The following ZNF718 variants were observed in gnomAD, a reference collection of about 807,000 sequenced individuals.
The protein encoded by ZNF718 is zinc finger protein 718.
In ZNF718, 3 loss-of-function variants were observed where a neutral mutation model predicts 2.6. The ratio of observed to expected loss-of-function variants is 1.16; its 90% CI spans 0.53 to 3.01. The LOEUF (loss-of-function observed/expected upper bound fraction) is 3.01. ZNF718 is among the 30% of genes most tolerant of loss of function. The pLI is 0.03. For synonymous variants in ZNF718, 135 were observed against 77.9 expected (o/e 1.73, Z -3.86); for missense variants, 468 against 230.0 (o/e 2.03, Z -6.69).
chr4:167,447 G>T (rs1443005682), downstream of ZNF718, among the ~76,000 whole-genome samples: 1 of 152,126 alleles, frequency 6.6e-6, no homozygotes, highest in Admixed American at 6.5e-5. Flanking sequence ...GGGCAGTATG[G>T]CCATTTTCAT....
chr4:149,953 A>G (rs112374986), intron 3 of ZNF718: 1 of 152,108 alleles, frequency 6.6e-6, no homozygotes, highest in African/African-American at 2.4e-5. Context: ...TTTACATTAT[A>G]TTGCAATGGG....
At chr4:199,092 G>T (rs1398243013) in intron 3 of ZNF718, among the ~76,000 whole-genome samples, 2 of 152,202 alleles carry the variant, frequency 1.3e-5, no homozygotes, top group Admixed American at 1.3e-4. Context: ...AGCTCTGATG[G>T]CAAGGCAAGC....
In ZNF718 at chr4:124,665, C is replaced by A. The variant is rs996661689; in HGVS notation, c.-6C>A. Reference sequence around the variant, plus strand: ...TAAGACTCTGGGACACTCCTGAAGTCGGGAAATGGTGAGTGTGCAGGGCAG... The same window carrying A: ...TAAGACTCTGGGACACTCCTGAAGTAGGGAAATGGTGAGTGTGCAGGGCAG... On this transcript the variant is annotated 5_prime_UTR_variant, in exon 1 of 4. Coordinates refer to ENST00000510175, the MANE Select transcript of ZNF718 (RefSeq NM_001039127.6). The A allele has an allele frequency of 6.2e-7, 1 of 1,609,042 alleles. No individual in the cohort carries two copies. The highest frequency in any genetic ancestry group is 1.3e-5 in the African/African-American group (1 of 75,018).
chr4:125,953 G>A (rs1715191862), intron 1 of ZNF718, among the ~76,000 whole-genome samples: 1 of 152,270 alleles, frequency 6.6e-6, no homozygotes, highest in East Asian at 1.9e-4. Context: ...CTCCAACCCA[G>A]GCTTCTGGAC....
intron 3 of ZNF718, among the ~76,000 whole-genome samples, chr4:169,653 A>T (rs1581471956): frequency 6.6e-6 from 1 of 152,144 alleles, no homozygotes; most frequent in East Asian, 1.9e-4. Context: ...AGTCTGTTTT[A>T]TCAGAGACTA....
intron 3 of ZNF718, among the ~76,000 whole-genome samples, chr4:146,802 T>C (rs1453658657): frequency 6.6e-6 from 1 of 151,682 alleles, no homozygotes; most frequent in African/African-American, 2.4e-5. Context: ...GAGTCTCCTG[T>C]TAAAGCTTTC....
At chr4:166,173 C>A (rs1379791400), downstream of ZNF718, among the ~76,000 whole-genome samples, 2 of 152,166 alleles carry the variant, frequency 1.3e-5, no homozygotes, top group Non-Finnish European at 2.9e-5. Flanking sequence ...CTACAAAGGA[C>A]ATGAACTCAT....
At chr4:146,765 G>C (rs1197094928) in intron 3 of ZNF718, among the ~76,000 whole-genome samples, 1 of 146,952 alleles carries the variant, frequency 6.8e-6, no homozygotes, top group African/African-American at 2.4e-5. Context: ...ACTTACGTTT[G>C]CTGGGGTGTT....
chr4:162,048 G>A lies in ZNF718; in HGVS notation c.1363G>A (p.Glu455Lys), dbSNP rs376983013. 9 of 776,758 alleles carry A rather than the reference G, an allele frequency of 1.2e-5. No homozygotes were observed. Among genetic ancestry groups the A allele is most frequent in the African/African-American group, 5.1e-5 (3 of 59,034 alleles). The allele number at this position is 776,758 out of a possible 1,614,324, so 48.1% of individuals were successfully genotyped here. A position where few individuals can be genotyped will look rare whatever the true frequency, so the allele number is the denominator to read the frequency against. ...TGTAGATAAACCCTACAAATGTAAAGAATGCGGGAAAGCTTTTAAGCAGTA... is the reference window on the plus strand; with the variant it reads ...TGTAGATAAACCCTACAAATGTAAAAAATGCGGGAAAGCTTTTAAGCAGTA... ...HTVDKPYKCK[E>K]CGKAFKQYSN... Residue 455 changes from glutamate to lysine, a missense_variant, in exon 4 of 4, where the codon GAA becomes AAA. Coordinates refer to ENST00000510175, the MANE Select transcript of ZNF718 (RefSeq NM_001039127.6).
rs527936628 is a variant in ZNF718, at chr4:163,342, C to G, written c.*1220C>G. 7.0e-4 allele frequency: 107 copies of G among 152,270 alleles called. No homozygotes were observed. The highest frequency in any genetic ancestry group is 2.4e-3 in the African/African-American group (99 of 41,562). 9.4% of individuals were successfully genotyped at this position (152,270 alleles called of 1,614,324 possible). ...TAGCTGGGACTACAGGCGCCCGCCA[C>G]TACGCCCGGCTAATTTTTTGTATTT... On this transcript the variant is annotated 3_prime_UTR_variant, in exon 4 of 4. Transcript: ENST00000510175.
At chr4:175,987 G>A (rs1553819039) in intron 3 of ZNF718, among the ~76,000 whole-genome samples, 1 of 150,782 alleles carries the variant, frequency 6.6e-6, no homozygotes, top group Admixed American at 6.7e-5. Context: ...CTCCCAAGTA[G>A]CTGGGACTAC....
At chr4:182,118 A>G (rs1717479016) in intron 3 of ZNF718, among the ~76,000 whole-genome samples, 1 of 152,178 alleles carries the variant, frequency 6.6e-6, no homozygotes, top group Non-Finnish European at 1.5e-5. Flanking sequence ...TGGTGCTGCA[A>G]TGAACATACA....
chr4:168,572 T>C (rs1311780267), downstream of ZNF718, among the ~76,000 whole-genome samples: 1 of 152,224 alleles, frequency 6.6e-6, no homozygotes, highest in African/African-American at 2.4e-5. Flanking sequence ...TTTCCTAGTT[T>C]AGTCTTGGGA....
chr4:162,337 A>G lies in ZNF718; in HGVS notation c.*215A>G. 1 of 426,376 alleles carries G rather than the reference A, an allele frequency of 2.3e-6. No homozygotes were observed. The allele number at this position is 426,376 out of a possible 1,614,324, so 26.4% of individuals were successfully genotyped here. ...TGCTTGTCACATATTACTGAATATA[A>G]TTCTTACTGCAGAAAACCCCTAGGA... On this transcript the variant is annotated 3_prime_UTR_variant, in exon 4 of 4. Transcript: ENST00000510175.
intron 3 of ZNF718, among the ~76,000 whole-genome samples, chr4:188,084 C>T (rs980804679): frequency 6.6e-6 from 1 of 152,196 alleles, no homozygotes; most frequent in Non-Finnish European, 1.5e-5. Flanking sequence ...TCAGCTTGGA[C>T]TCATAAGCTG....
In ZNF718 at chr4:161,013, A is replaced by C. The variant is rs1553814820; in HGVS notation, c.328A>C (p.Asn110His). ...PKGHEKRGHE[N>H]LRKTCKSINE... is the part of the protein sequence containing the mutation. ...AGGACATGAGAAACGTGGACATGAG[A>C]ATTTAAGAAAAACTTGTAAAAGTAT... Residue 110 changes from asparagine to histidine, a missense_variant, in exon 4 of 4, where the codon AAT becomes CAT. Physicochemically the swap from Asn to His is moderately conservative, Grantham distance 68. Coordinates refer to ENST00000510175, the MANE Select transcript of ZNF718 (RefSeq NM_001039127.6). 1 of 781,012 alleles carries C rather than the reference A, an allele frequency of 1.3e-6. No individual in the cohort carries two copies. Among genetic ancestry groups the C allele is most frequent in the East Asian group, 2.4e-5 (1 of 41,240 alleles). 48.4% of individuals were successfully genotyped at this position (781,012 alleles called of 1,614,324 possible).
chr4:180,517 GACT>G (rs1227541433), intron 3 of ZNF718, among the ~76,000 whole-genome samples: 3 of 152,192 alleles, frequency 2.0e-5, no homozygotes, highest in Admixed American at 2.0e-4. Context: ...GACCAGATTA[GACT>G]CTGGCTGGCA....
intron 3 of ZNF718, chr4:142,101 G>A (rs1236279612): frequency 1.9e-6 from 1 of 518,426 alleles, no homozygotes; most frequent in Non-Finnish European, 3.9e-6. Flanking sequence ...AACGGGTTTT[G>A]ATAAGGGTCC....
At position 124,612 on chromosome 4, in the gene ZNF718, G is replaced by A. The variant is rs1200612754; in HGVS notation, c.-59G>A. On this transcript the variant is annotated 5_prime_UTR_variant, in exon 1 of 4. Transcript: ENST00000510175. ...ACAGCCTCAGCCTCTGTGGCTCTGTGACCTGCCGGTATTGGATGATTCGTA... is the reference window on the plus strand; with the variant it reads ...ACAGCCTCAGCCTCTGTGGCTCTGTAACCTGCCGGTATTGGATGATTCGTA... The A allele has an allele frequency of 4.4e-6, 7 of 1,601,604 alleles. No homozygotes were observed. The African/African-American group carries it at 8.0e-5, about 18-fold the overall frequency.
Sources: gnomAD v4.1 joint callset for allele counts (sites outside exome capture counted in the v4.1 genomes callset) on GRCh38, gnomAD v4.1.1 for gene constraint, MANE v1.5 for transcripts, NCBI Gene and HGNC (gene_info 2026-07-23, HGNC 2026-07-21) for gene names.